DGKD: variants seen among roughly 807,000 people sequenced by gnomAD.
DGKD encodes the protein diacylglycerol kinase delta.
Under a neutral mutation model 154.4 loss-of-function variants are expected in DGKD, and 68 were observed. The ratio of observed to expected loss-of-function variants is 0.44; its 90% CI spans 0.36 to 0.54. The LOEUF (loss-of-function observed/expected upper bound fraction) is 0.54, where lower values mean the gene tolerates loss of function less well. Among genes scored for constraint, DGKD ranks in the 20% least tolerant of loss-of-function variants. The probability of loss-of-function intolerance (pLI) is 0.00; values close to 1 mark genes in which losing one functional copy is unlikely to be tolerated. For missense variants in DGKD, 1,343 were observed against 1,593.6 expected (o/e 0.84, Z 2.68); for synonymous variants, 693 against 638.0 (o/e 1.09, Z -1.30).
chr2:233,443,922 G>A (rs956912475), intron 10 of DGKD, among the ~76,000 whole-genome samples: 1 of 152,146 alleles, frequency 6.6e-6, no homozygotes, highest in Non-Finnish European at 1.5e-5. Context: ...GGCCCCTGCC[G>A]CCTCGGGGTT....
chr2:233,359,359 A>T (rs557398308), intron 1 of DGKD, among the ~76,000 whole-genome samples: 1 of 152,230 alleles, frequency 6.6e-6, no homozygotes, highest in Non-Finnish European at 1.5e-5. Context: ...AACAGTTGTT[A>T]TATCCATAAA....
intron 10 of DGKD, chr2:233,442,221 G>A (rs1330698149): frequency 6.1e-6 from 4 of 655,038 alleles, no homozygotes; most frequent in South Asian, 4.5e-5. Flanking sequence ...TGTATGAGGG[G>A]GACCTGAAGG....
At position 233,459,831 on chromosome 2, in the gene DGKD, G is replaced by C; in HGVS notation, c.2769G>C (p.Gln923His). Residue 923 changes from glutamine (Q) to histidine (H), a missense_variant, in exon 23 of 30, where the codon CAG becomes CAC. Physicochemically the swap from Gln to His is conservative, Grantham distance 24. Around this residue, in one of 6 missense-constraint regions of DGKD, gnomAD observed 429 missense variants for 496.3 expected, o/e 0.86. Coordinates refer to ENST00000264057, the MANE Select transcript of DGKD (RefSeq NM_152879.3). This position sits in a 1 kb window ranked among gnomAD's most constrained non-coding sequence, Gnocchi z 5.7. Reference sequence around the variant, plus strand: ...AGGTGGACGGAGAGGCCTGGGTCCAGCCGCCAGGGTACATTCGGATTGTCC... The same window carrying C: ...AGGTGGACGGAGAGGCCTGGGTCCACCCGCCAGGGTACATTCGGATTGTCC... ...PVQVDGEAWV[Q>H]PPGYIRIVHK... 1.9e-6 allele frequency: 3 copies of C among 1,614,128 alleles called. No homozygotes were observed. Among genetic ancestry groups the C allele is most frequent in the Non-Finnish European group, 2.5e-6 (3 of 1,180,012 alleles).
At chr2:233,388,225 G>C (rs757942804) in intron 1 of DGKD, 32 bp from the exon 2 acceptor site, 3 of 1,597,114 alleles carry the variant, frequency 1.9e-6, no homozygotes, top group East Asian at 2.2e-5. Flanking sequence ...CCTTGAAAAC[G>C]CAAGTTTATG....
At chr2:233,403,856 G>C (rs774474417) in intron 3 of DGKD, among the ~76,000 whole-genome samples, 1 of 151,944 alleles carries the variant, frequency 6.6e-6, no homozygotes, top group African/African-American at 2.4e-5. Context: ...TGGCCAGGCC[G>C]GTCTCGAACT....
rs867611454 is a variant in DGKD at position 233,354,655 on chromosome 2, C to A, written c.137C>A (p.Ser46Ter). The change falls in exon 1 of 30, where the codon TCG becomes TAG. Residue 46 changes from serine to a stop codon, truncating the protein, a stop_gained. Transcript: ENST00000264057. LOFTEE classifies it high-confidence loss of function. The surrounding 1 kb of genome is among the most constrained non-coding windows in gnomAD (Gnocchi z 4.8). ...AAGCTCATCCGCAAGGTGTCCACGT[C>A]GGGTCAGATCCGACAGAAGGTGAGC... ...PQKLIRKVST[S>*]GQIRQKTIIK... The A allele has an allele frequency of 1.9e-6, 2 of 1,057,704 alleles. No homozygotes were observed. The highest frequency in any genetic ancestry group is 2.8e-5 in the South Asian group (1 of 35,412). 65.5% of individuals were successfully genotyped at this position (1,057,704 alleles called of 1,614,324 possible). A position where few individuals can be genotyped will look rare whatever the true frequency, so the allele number is the denominator to read the frequency against.
At chr2:233,359,494 A>T (rs1574970876) in intron 1 of DGKD, among the ~76,000 whole-genome samples, 1 of 145,028 alleles carries the variant, frequency 6.9e-6, no homozygotes, top group Admixed American at 6.9e-5. Context: ...TGTCTTTCTG[A>T]TTTTTTTTTT....
chr2:233,461,080 C>T (rs939539130), intron 24 of DGKD, among the ~76,000 whole-genome samples: 2 of 152,158 alleles, frequency 1.3e-5, no homozygotes, highest in African/African-American at 4.8e-5. Flanking sequence ...TCTAGAAACA[C>T]CCCTGGAGCC....
chr2:233,418,218 C>T (rs2062010158), intron 3 of DGKD, among the ~76,000 whole-genome samples: 1 of 152,174 alleles, frequency 6.6e-6, no homozygotes, highest in Admixed American at 6.5e-5. Flanking sequence ...GAGGTGCTGC[C>T]AGCGTTTTGC....
At chr2:233,361,223 C>T (rs1701767756) in intron 1 of DGKD, among the ~76,000 whole-genome samples, 1 of 152,214 alleles carries the variant, frequency 6.6e-6, no homozygotes, top group Non-Finnish European at 1.5e-5. Flanking sequence ...AAAGAAGCCA[C>T]TTCCAAGGAA....
intron 3 of DGKD, among the ~76,000 whole-genome samples, chr2:233,410,405 T>C (rs866388321): frequency 3.3e-5 from 5 of 152,234 alleles, no homozygotes; most frequent in Non-Finnish European, 5.9e-5. Flanking sequence ...AGCTCTGCGC[T>C]GCCTTCTGAG....
Position 233,354,783 on chromosome 2 carries a change from C to T in DGKD, c.156+109C>T, listed in dbSNP as rs988411544. On this transcript the variant is annotated intron_variant, in intron 1 of 29. Coordinates refer to ENST00000264057, the MANE Select transcript of DGKD (RefSeq NM_152879.3). This position sits in a 1 kb window ranked among gnomAD's most constrained non-coding sequence, Gnocchi z 4.8. Reference sequence around the variant, plus strand: ...CCGCCCAGGCCCGGCTCGGCCCGGCCCGGGGTCCCGCGGGCGTCACCGCCC... The same window carrying T: ...CCGCCCAGGCCCGGCTCGGCCCGGCTCGGGGTCCCGCGGGCGTCACCGCCC... The T allele has an allele frequency of 1.6e-6, 1 of 606,848 alleles. No homozygotes were observed. Among genetic ancestry groups the T allele is most frequent in the Non-Finnish European group, 2.1e-6 (1 of 487,312 alleles). The allele number at this position is 606,848 out of a possible 1,614,324, so 37.6% of individuals were successfully genotyped here.
chr2:233,447,194 C>T (rs890515696), intron 12 of DGKD, among the ~76,000 whole-genome samples: 13 of 16,600 alleles, frequency 7.8e-4, no homozygotes, highest in Non-Finnish European at 1.4e-3. Context: ...CTCCCCTAGC[C>T]CCCCGGCTCC....
In DGKD at chr2:233,458,431, T is replaced by C; in HGVS notation, c.2694+34T>C. On this transcript the variant is annotated intron_variant, in intron 22 of 29. Transcript: ENST00000264057. This position sits in a 1 kb window ranked among gnomAD's most constrained non-coding sequence, Gnocchi z 6.6. Reference sequence around the variant, plus strand: ...CATGGTCCTGGGGTGTCTGGCCGAGTCCCCAGCCCGGAGTGTGCTAAATTC... The same window carrying C: ...CATGGTCCTGGGGTGTCTGGCCGAGCCCCCAGCCCGGAGTGTGCTAAATTC... 6.5e-7 allele frequency: 1 copy of C among 1,532,930 alleles called. No individual in the cohort carries two copies. Among genetic ancestry groups the C allele is most frequent in the Non-Finnish European group, 8.9e-7 (1 of 1,119,920 alleles). The allele number at this position is 1,532,930 out of a possible 1,614,324, so 95.0% of individuals were successfully genotyped here. A position where few individuals can be genotyped will look rare whatever the true frequency, so the allele number is the denominator to read the frequency against.
chr2:233,462,338 TC>T lies in DGKD; in HGVS notation c.2982-8del, dbSNP rs772578607. The stretch of plus-strand genomic sequence containing the variant: ...GCCTGACATCTGCCCGTGCTTCTCT[TC>T]CTCTCTAGTATCCGAGAAATAGCTC... On this transcript the variant is annotated splice_polypyrimidine_tract_variant and intron_variant, in intron 24 of 29. Transcript: ENST00000264057. The T allele has an allele frequency of 6.3e-7, 1 of 1,591,212 alleles. No individual in the cohort carries two copies.
At chr2:233,447,606 G>T (rs1244398187) in intron 12 of DGKD, 1 of 986,930 alleles carries the variant, frequency 1.0e-6, no homozygotes, top group Non-Finnish European at 1.2e-6. Flanking sequence ...TGCGACCCTG[G>T]GGCTGGGTCC....
intron 27 of DGKD, among the ~76,000 whole-genome samples, chr2:233,465,216 G>T (rs1277006813): frequency 6.6e-6 from 1 of 152,134 alleles, no homozygotes; most frequent in East Asian, 1.9e-4. Flanking sequence ...CATTGTAAAG[G>T]TGATTAAGAA....
chr2:233,468,330 G>T (rs1341299759), intron 28 of DGKD, 93 bp from the exon 29 acceptor site: 3 of 1,514,900 alleles, frequency 2.0e-6, no homozygotes, highest in Non-Finnish European at 2.7e-6. Flanking sequence ...TCCTGTCCTG[G>T]CACTGGGCTC....
chr2:233,457,118 C>T lies in DGKD; in HGVS notation c.2473-103C>T. ...AGGGACTTGCCTGGGGATGCCCTGG[C>T]CACGGCTGTGCTCCTGAGCCCCTGG... On this transcript the variant is annotated intron_variant, in intron 20 of 29. Coordinates refer to ENST00000264057, the MANE Select transcript of DGKD (RefSeq NM_152879.3). This position sits in a 1 kb window ranked among gnomAD's most constrained non-coding sequence, Gnocchi z 5.5. 7.6e-7 allele frequency: 1 copy of T among 1,308,246 alleles called. No individual in the cohort carries two copies. The highest frequency in any genetic ancestry group is 1.1e-6 in the Non-Finnish European group (1 of 917,650). 81.0% of individuals were successfully genotyped at this position (1,308,246 alleles called of 1,614,324 possible).
Sources: allele counts gnomAD v4.1 joint callset (sites outside exome capture counted in the v4.1 genomes callset), GRCh38; gene constraint gnomAD v4.1.1; regional missense constraint gnomAD v4.1.1; non-coding constraint Gnocchi (gnomAD v3.1); transcripts MANE v1.5; gene names NCBI Gene and HGNC (gene_info 2026-07-23, HGNC 2026-07-21).